The following TASP1 variants were observed in gnomAD, a reference collection of about 807,000 sequenced individuals.
The protein encoded by TASP1 is threonine aspartase 1.
Under a neutral mutation model 56.6 loss-of-function variants are expected in TASP1, and 16 were observed. The ratio of observed to expected loss-of-function variants is 0.28; its 90% CI spans 0.19 to 0.43. The LOEUF is 0.43. Ranked by LOEUF, TASP1 falls within the 20% of genes least tolerant of loss-of-function variation. TASP1 has a pLI of 1.00. For missense variants in TASP1, 393 were observed against 511.6 expected, an observed-to-expected ratio of 0.77 and a Z score of 2.24; for synonymous variants, 179 against 184.2, an observed-to-expected ratio of 0.97 and a Z score of 0.23.
chr20:13,577,500 T>A (rs572172866), intron 6 of TASP1, among the ~76,000 whole-genome samples: 12 of 152,266 alleles, frequency 7.9e-5, no homozygotes, highest in African/African-American at 2.9e-4. Context: ...TAGCCCTCAG[T>A]GTGATAATAT....
In TASP1 at chr20:13,401,605, A is replaced by G. The variant is rs186664419; in HGVS notation, c.1171-11153T>C. ...ATCATAGAAACCAATATCTTTTCTCAAGTTAGTAAGTTAACATGAAATAAC... is the reference window on the plus strand; with the variant it reads ...ATCATAGAAACCAATATCTTTTCTCGAGTTAGTAAGTTAACATGAAATAAC... On this transcript the variant is annotated intron_variant, in intron 13 of 13. Coordinates refer to ENST00000337743, the MANE Select transcript of TASP1 (RefSeq NM_017714.3). 3.2e-3 allele frequency among the ~76,000 whole-genome samples: 485 copies of G among 152,348 alleles called. 2 individuals are homozygous for G. The highest frequency in any genetic ancestry group is 0.01 in the East Asian group (53 of 5,192).
the TASP1 span, among the ~76,000 whole-genome samples, chr20:13,331,162 C>T: frequency 2.0e-5 from 3 of 152,238 alleles, no homozygotes. Flanking sequence ...CTAAACACTG[C>T]TTTATCTGCA....
chr20:13,549,527 C>A (rs1262002067), intron 8 of TASP1, among the ~76,000 whole-genome samples: 2 of 151,844 alleles, frequency 1.3e-5, no homozygotes, highest in Non-Finnish European at 2.9e-5. Context: ...TCAGCATCAC[C>A]ATGTCTATGA....
the TASP1 span, among the ~76,000 whole-genome samples, chr20:13,110,946 G>T: frequency 9.9e-5 from 15 of 152,086 alleles, no homozygotes; most frequent in Non-Finnish European, 7.4e-5. Flanking sequence ...CTACAAAGGA[G>T]ACTTGAGGAT....
At chr20:13,294,471 A>T in the TASP1 span, among the ~76,000 whole-genome samples, 1 of 152,206 alleles carries the variant, frequency 6.6e-6, no homozygotes, top group Non-Finnish European at 1.5e-5. Flanking sequence ...AGGACTCTTC[A>T]TATCACACCC....
At chr20:13,510,296 T>C (rs1230137841) in intron 10 of TASP1, among the ~76,000 whole-genome samples, 2 of 152,166 alleles carry the variant, frequency 1.3e-5, no homozygotes, top group East Asian at 3.9e-4. Context: ...TTGCAAATGA[T>C]ACTTGAGAGG....
the TASP1 span, among the ~76,000 whole-genome samples, chr20:13,210,258 T>C: frequency 2.6e-5 from 4 of 152,132 alleles, no homozygotes; most frequent in South Asian, 2.1e-4. Flanking sequence ...CTAAAATTGA[T>C]ACATGTTTGG....
the TASP1 span, among the ~76,000 whole-genome samples, chr20:13,331,784 C>T: frequency 4.0e-5 from 6 of 151,512 alleles, no homozygotes; most frequent in African/African-American, 1.5e-4. Flanking sequence ...AACTTTACTC[C>T]CTTCTTTATT....
chr20:13,272,080 A>G, the TASP1 span, among the ~76,000 whole-genome samples: 2 of 152,170 alleles, frequency 1.3e-5, no homozygotes, highest in Non-Finnish European at 2.9e-5. Context: ...CAGCCAGCCC[A>G]TACTTGTAAG....
chr20:13,272,939 C>T, the TASP1 span, among the ~76,000 whole-genome samples: 1 of 152,204 alleles, frequency 6.6e-6, no homozygotes, highest in Non-Finnish European at 1.5e-5. Context: ...AGCGCTTTTT[C>T]CCAGAGGTGG....
intron 13 of TASP1, among the ~76,000 whole-genome samples, chr20:13,410,463 G>A (rs190172083): frequency 1.7e-4 from 26 of 152,088 alleles, no homozygotes; most frequent in South Asian, 1.7e-3. Context: ...TATGAGTTTC[G>A]TTTTTTCTGC....
the TASP1 span, chr20:13,164,891 TAAAGACTTTGCGAG>T: frequency 6.3e-7 from 1 of 1,590,476 alleles, no homozygotes. Flanking sequence ...GAATGACACA[TAAAGACTTTGCGAG>T]AAAGACCTCC....
the TASP1 span, among the ~76,000 whole-genome samples, chr20:13,136,776 A>C: frequency 6.7e-6 from 1 of 149,364 alleles, no homozygotes; most frequent in South Asian, 2.1e-4. Flanking sequence ...GGCAGGAAGA[A>C]ATAACAATGC....
chr20:13,298,661 C>G, the TASP1 span, among the ~76,000 whole-genome samples: 1 of 152,132 alleles, frequency 6.6e-6, no homozygotes, highest in South Asian at 2.1e-4. Context: ...TTCTGTGTGT[C>G]TGAAAATTTC....
chr20:13,312,960 G>C, the TASP1 span, among the ~76,000 whole-genome samples: 18 of 152,250 alleles, frequency 1.2e-4, no homozygotes, highest in African/African-American at 4.3e-4. Context: ...TACACCAAAG[G>C]AGCATCTGGG....
the TASP1 span, chr20:13,221,713 C>CCCGGCGTCA: frequency 7.6e-7 from 1 of 1,313,700 alleles, no homozygotes; most frequent in Non-Finnish European, 9.7e-7. Flanking sequence ...CTCCTCCTCC[C>CCCGGCGTCA]CCGGCGTCAC....
chr20:13,463,624 T>A (rs1408078631), intron 11 of TASP1, among the ~76,000 whole-genome samples: 1 of 151,978 alleles, frequency 6.6e-6, no homozygotes, highest in Non-Finnish European at 1.5e-5. Flanking sequence ...GAGGTTAATA[T>A]CCAGAATATA....
At chr20:13,314,507 C>G in the TASP1 span, among the ~76,000 whole-genome samples, 1 of 151,772 alleles carries the variant, frequency 6.6e-6, no homozygotes, top group East Asian at 1.9e-4. Flanking sequence ...AAAAAACCAC[C>G]TAGATCCTGT....
intron 8 of TASP1, among the ~76,000 whole-genome samples, chr20:13,546,189 T>A (rs1463744553): frequency 6.7e-6 from 1 of 148,340 alleles, no homozygotes; most frequent in Non-Finnish European, 1.5e-5. Flanking sequence ...GGCCAAAGGT[T>A]AAAAAAAAAA....
Sources: gnomAD v4.1 joint callset for allele counts (sites outside exome capture counted in the v4.1 genomes callset) on GRCh38, gnomAD v4.1.1 for gene constraint, MANE v1.5 for transcripts, NCBI Gene and HGNC (gene_info 2026-07-23, HGNC 2026-07-21) for gene names.